Variants in RRH observed in about 807,000 individuals in gnomAD.
RRH encodes the protein visual pigment-like receptor peropsin.
A neutral mutation model predicts 33.1 loss-of-function variants in RRH; 36 were observed. That is an observed-to-expected ratio of 1.09 (90% CI 0.83 to 1.44). The LOEUF (loss-of-function observed/expected upper bound fraction) is 1.44. Ranked by LOEUF, RRH falls within the 40% of genes most tolerant of loss-of-function variation. RRH has a pLI of 0.00. For missense variants in RRH, 393 were observed against 420.2 expected, an observed-to-expected ratio of 0.94 and a Z score of 0.57; for synonymous variants, 124 against 140.2, an observed-to-expected ratio of 0.88 and a Z score of 0.82.
intron 1 of RRH, among the ~76,000 whole-genome samples, chr4:109,829,515 G>C (rs1385397582): frequency 1.3e-4 from 19 of 151,478 alleles, no homozygotes; most frequent in Admixed American, 1.2e-3. Context: ...TCTTATCTCT[G>C]TAACAGTAAT....
chr4:109,841,527 G>A (rs1733982429), intron 5 of RRH, among the ~76,000 whole-genome samples: 2 of 152,048 alleles, frequency 1.3e-5, no homozygotes, highest in Non-Finnish European at 2.9e-5. Context: ...TACTTTCTTT[G>A]TAGATTTCAA....
chr4:109,835,566 G>A, intron 3 of RRH, 101 bp downstream of exon 3: 1 of 872,510 alleles, frequency 1.1e-6, no homozygotes. Flanking sequence ...TTTGTAGTTA[G>A]GGTCAGTTTT....
rs779678624 is a variant in RRH, at chr4:109,828,035, G to C, written c.8G>C (p.Arg3Thr). 12 of 1,606,736 alleles carry C rather than the reference G, an allele frequency of 7.5e-6. No homozygotes were observed. The highest frequency in any genetic ancestry group is 1.0e-5 in the Non-Finnish European group (12 of 1,173,768). Residue 3 changes from arginine (R) to threonine (T), a missense_variant, in exon 1 of 7, where the codon AGA (arginine) becomes ACA (threonine). Transcript: ENST00000317735. ...CGGTATCTTCCCTCCAAAATGCTAA[G>C]AAATAATTTAGGCAACAGTTCAGAC... ML[R>T]NNLGNSSDSK...
chr4:109,833,089 G>T, intron 1 of RRH, 50 bp from the exon 2 acceptor site: 1 of 1,464,122 alleles, frequency 6.8e-7, no homozygotes, highest in South Asian at 1.1e-5. Flanking sequence ...AGTCTACTTT[G>T]AAACATTCAA....
intron 1 of RRH, 130 bp from the exon 2 acceptor site, chr4:109,833,009 G>C: frequency 1.4e-6 from 1 of 737,002 alleles, no homozygotes; most frequent in East Asian, 2.7e-5. Context: ...AAGAACAGCA[G>C]GAGCTCTTCA....
At chr4:109,837,720 C>T in intron 5 of RRH, 115 bp downstream of exon 5, 1 of 770,816 alleles carries the variant, frequency 1.3e-6, no homozygotes, top group Non-Finnish European at 2.3e-6. Flanking sequence ...TTCTCACTCC[C>T]CAGCTCTTTC....
intron 4 of RRH, 137 bp downstream of exon 4, chr4:109,836,297 C>G (rs1733883769): frequency 1.1e-6 from 1 of 923,148 alleles, no homozygotes; most frequent in South Asian, 1.4e-5. Flanking sequence ...TGATGTGATT[C>G]TCAGTTCAAA....
At chr4:109,839,341 AATTCACCTG>A (rs1163904976) in intron 5 of RRH, among the ~76,000 whole-genome samples, 5 of 152,202 alleles carry the variant, frequency 3.3e-5, no homozygotes, top group Non-Finnish European at 7.3e-5. Context: ...GCACTGATAT[AATTCACCTG>A]ATTCACCTCC....
chr4:109,836,891 C>CAAAAAAAAAAAAAA lies in RRH; in HGVS notation c.552-539_552-526dup, dbSNP rs56989659. Among the ~76,000 whole-genome samples, 54 of 84,400 alleles carry CAAAAAAAAAAAAAA rather than the reference C, an allele frequency of 6.4e-4. 2 individuals are homozygous for CAAAAAAAAAAAAAA. Among genetic ancestry groups the CAAAAAAAAAAAAAA allele is most frequent in the East Asian group, 2.8e-3 (8 of 2,894 alleles). The allele number at this position is 84,400 out of a possible 152,430, so 55.4% of individuals were successfully genotyped here. A position where few individuals can be genotyped will look rare whatever the true frequency, so the allele number is the denominator to read the frequency against. ...GCAACATATTGAGACCCTGTCTCTA[C>CAAAAAAAAAAAAAA]AAAAAAAAAAAAAAAAAAAAGCAGA... is the stretch of plus-strand genomic sequence containing the variant. On this transcript the variant is annotated intron_variant, in intron 4 of 6. Coordinates refer to ENST00000317735, the MANE Select transcript of RRH (RefSeq NM_006583.5).
chr4:109,831,627 G>C (rs1043380826), intron 1 of RRH, among the ~76,000 whole-genome samples: 4 of 152,142 alleles, frequency 2.6e-5, no homozygotes, highest in Admixed American at 6.5e-5. Flanking sequence ...TAGGAAAAGA[G>C]AAGGAGCAGG....
chr4:109,828,615 C>G (rs1733686249), intron 1 of RRH, among the ~76,000 whole-genome samples: 2 of 151,684 alleles, frequency 1.3e-5, no homozygotes, highest in South Asian at 4.2e-4. Flanking sequence ...CTTAAAGGTT[C>G]TGGAAAGAAA....
At chr4:109,841,705 C>G (rs1187697094) in intron 5 of RRH, among the ~76,000 whole-genome samples, 1 of 152,082 alleles carries the variant, frequency 6.6e-6, no homozygotes, top group Non-Finnish European at 1.5e-5. Flanking sequence ...AAATTATTCT[C>G]ATGTTTCTTA....
chr4:109,832,117 A>C (rs1029814714), intron 1 of RRH, among the ~76,000 whole-genome samples: 4 of 149,712 alleles, frequency 2.7e-5, no homozygotes, highest in African/African-American at 9.9e-5. Context: ...AGTCTCTAAC[A>C]ATCCAGTAAT....
At chr4:109,842,199 A>T (rs1456655508) in intron 5 of RRH, among the ~76,000 whole-genome samples, 3 of 152,142 alleles carry the variant, frequency 2.0e-5, no homozygotes, top group Non-Finnish European at 4.4e-5. Flanking sequence ...AGAAAGAAAG[A>T]GGGCATTCCT....
At chr4:109,837,900 C>T (rs1733916787) in intron 5 of RRH, among the ~76,000 whole-genome samples, 2 of 152,176 alleles carry the variant, frequency 1.3e-5, no homozygotes, top group Admixed American at 1.3e-4. Flanking sequence ...CTCAGCCTCC[C>T]CAGTAGCTGG....
intron 1 of RRH, among the ~76,000 whole-genome samples, chr4:109,829,274 G>C: frequency 6.6e-6 from 1 of 151,982 alleles, no homozygotes; most frequent in South Asian, 2.1e-4. Flanking sequence ...ACGTTATCTC[G>C]TTCATTTGAA....
chr4:109,839,034 A>C (rs367785078), intron 5 of RRH, among the ~76,000 whole-genome samples: 3 of 144,374 alleles, frequency 2.1e-5, no homozygotes, highest in South Asian at 2.1e-4. Flanking sequence ...AATCTGCTAG[A>C]TTTACCTTCT....
chr4:109,833,185 T>A lies in RRH; in HGVS notation c.153T>A (p.Ile51=). The change falls in exon 2 of 7, where the codon ATT becomes ATA. Residue 51 remains isoleucine (I), a synonymous_variant. Transcript: ENST00000317735. ...ISNIIVLGIF[I]KYKELRTPTN... ...ACATAATAGTTCTGGGCATCTTCAT[T>A]AAGTACAAGGAACTTCGGACACCCA... 6.2e-7 allele frequency: 1 copy of A among 1,613,996 alleles called. No homozygotes were observed. Among genetic ancestry groups the A allele is most frequent in the Non-Finnish European group, 8.5e-7 (1 of 1,179,858 alleles).
chr4:109,834,257 C>G (rs10008969), intron 2 of RRH, among the ~76,000 whole-genome samples: 1 of 151,222 alleles, frequency 6.6e-6, no homozygotes, highest in Non-Finnish European at 1.5e-5. Context: ...ATTTTGTGAA[C>G]GTAGAAAGCC....
Sources: allele counts gnomAD v4.1 joint callset (sites outside exome capture counted in the v4.1 genomes callset), GRCh38; gene constraint gnomAD v4.1.1; transcripts MANE v1.5; gene names NCBI Gene and HGNC (gene_info 2026-07-23, HGNC 2026-07-21).